The following ROCK2 variants were observed in gnomAD, a reference collection of about 807,000 sequenced individuals.
ROCK2 encodes the protein rho-associated protein kinase 2.
In ROCK2, 61 loss-of-function variants were observed where a neutral mutation model predicts 195.1. The ratio of observed to expected loss-of-function variants is 0.31; its 90% confidence interval spans 0.25 to 0.39. The LOEUF (loss-of-function observed/expected upper bound fraction) is 0.39, where lower values mean the gene tolerates loss of function less well. Among genes scored for constraint, ROCK2 ranks in the 10% least tolerant of loss-of-function variants. The pLI is 1.00. For synonymous variants in ROCK2, 504 were observed against 545.5 expected (o/e 0.92, Z 1.06); for missense variants, 1,109 against 1,637.4 (o/e 0.68, Z 5.57).
chr2:11,248,367 TA>T (rs1370961834), intron 4 of ROCK2, among the ~76,000 whole-genome samples: 2 of 151,558 alleles, frequency 1.3e-5, no homozygotes, highest in East Asian at 3.9e-4. Flanking sequence ...CTTACTAGTA[TA>T]AAAAAAATGT....
intron 6 of ROCK2, among the ~76,000 whole-genome samples, chr2:11,225,106 T>G (rs1558306882): frequency 6.6e-6 from 1 of 152,148 alleles, no homozygotes; most frequent in Non-Finnish European, 1.5e-5. Flanking sequence ...AGAGACAGAC[T>G]GTGACTAGCT....
At chr2:11,186,214 C>G (rs1358697185) in intron 32 of ROCK2, among the ~76,000 whole-genome samples, 1 of 152,204 alleles carries the variant, frequency 6.6e-6, no homozygotes, top group Admixed American at 6.5e-5. Context: ...CTGGCACACA[C>G]TCACTTCTCT....
chr2:11,272,727 A>G (rs1256109119), intron 3 of ROCK2, among the ~76,000 whole-genome samples: 1 of 151,922 alleles, frequency 6.6e-6, no homozygotes. Context: ...AAAATTAGCC[A>G]GGCACGGTGA....
chr2:11,294,119 T>G (rs1390123285), intron 1 of ROCK2, among the ~76,000 whole-genome samples: 1 of 151,338 alleles, frequency 6.6e-6, no homozygotes, highest in Admixed American at 6.6e-5. Flanking sequence ...ATCGTGCCAC[T>G]GCACTCCAGC....
Position 11,254,727 on chromosome 2 carries a change from T to TAAAAAAAAA in ROCK2, c.325-4938_325-4930dup, listed in dbSNP as rs10640683. On this transcript the variant is annotated intron_variant, in intron 3 of 32. Coordinates refer to ENST00000315872, the MANE Select transcript of ROCK2 (RefSeq NM_004850.5). The stretch of plus-strand genomic sequence containing the variant: ...TAGGCAACAGTGAGACCCTGTCTCT[T>TAAAAAAAAA]AAAAAAAAAAAAAAAAAAAAAAAAA... Among the ~76,000 whole-genome samples the TAAAAAAAAA allele has an allele frequency of 4.6e-4, 18 of 39,130 alleles. 5 individuals carry two copies. Among genetic ancestry groups the TAAAAAAAAA allele is most frequent in the East Asian group, 2.9e-3 (2 of 682 alleles). 25.7% of individuals were successfully genotyped at this position (39,130 alleles called of 152,430 possible). A position where few individuals can be genotyped will look rare whatever the true frequency, so the allele number is the denominator to read the frequency against.
Position 11,308,778 on chromosome 2 carries a change from C to G in ROCK2, c.142-21042G>C. On this transcript the variant is annotated intron_variant, in intron 1 of 32. Coordinates refer to ENST00000315872, the MANE Select transcript of ROCK2 (RefSeq NM_004850.5). ...CACTACAAGCCTAAAAAAAGGTTTA[C>G]CAGCACCAAGTGTTTTGCTTTCATG... The G allele has an allele frequency of 6.8e-6, 11 of 1,612,412 alleles. No homozygotes were observed. The South Asian group carries it at 1.2e-4, about 18-fold the overall frequency.
intron 18 of ROCK2, among the ~76,000 whole-genome samples, chr2:11,209,923 A>G (rs189634274): frequency 6.6e-6 from 1 of 152,240 alleles, no homozygotes; most frequent in African/African-American, 2.4e-5. Flanking sequence ...TTTCACAACA[A>G]CGTAACAATA....
intron 3 of ROCK2, among the ~76,000 whole-genome samples, chr2:11,284,765 C>G (rs1373677797): frequency 6.6e-6 from 1 of 152,154 alleles, no homozygotes; most frequent in Non-Finnish European, 1.5e-5. Flanking sequence ...TAAGACAGTA[C>G]TGTTAAGCAA....
intron 1 of ROCK2, among the ~76,000 whole-genome samples, chr2:11,332,585 C>T (rs1259725643): frequency 6.6e-6 from 1 of 152,190 alleles, no homozygotes; most frequent in Non-Finnish European, 1.5e-5. Flanking sequence ...TACAATGACA[C>T]ACACTACCAA....
chr2:11,197,968 T>C lies in ROCK2; in HGVS notation c.3100-263A>G, dbSNP rs73915396. ...TTAAATATTTATAGAATTGATCTGA[T>C]GTTGCTTTCTACCATTTTGACTTTT... On this transcript the variant is annotated intron_variant, in intron 25 of 32. Coordinates refer to ENST00000315872, the MANE Select transcript of ROCK2 (RefSeq NM_004850.5). This position sits in a 1 kb window ranked among gnomAD's most constrained non-coding sequence, Gnocchi z 4.9. 0.024 allele frequency among the ~76,000 whole-genome samples: 3,699 copies of C among 152,362 alleles called. 62 individuals carry two copies. The highest frequency in any genetic ancestry group is 0.052 in the East Asian group (271 of 5,192).
intron 1 of ROCK2, among the ~76,000 whole-genome samples, chr2:11,316,145 G>A (rs1385579959): frequency 6.6e-6 from 1 of 151,936 alleles, no homozygotes; most frequent in Non-Finnish European, 1.5e-5. Flanking sequence ...TTGAGAAGTT[G>A]GAAAATGGGT....
At chr2:11,330,733 ATGAGGAG>A (rs1353329195) in intron 1 of ROCK2, among the ~76,000 whole-genome samples, 103 of 47,362 alleles carry the variant, frequency 2.2e-3, no homozygotes, top group East Asian at 9.9e-3. Context: ...AGGAGGGAAG[ATGAGGAG>A]GGAGGAGGGA....
chr2:11,316,612 T>G (rs1238665023), intron 1 of ROCK2, among the ~76,000 whole-genome samples: 6 of 152,194 alleles, frequency 3.9e-5, no homozygotes, highest in African/African-American at 1.4e-4. Flanking sequence ...TTCATCTCAG[T>G]TAAGAGGTAA....
At chr2:11,227,467 T>A (rs1572270994) in intron 5 of ROCK2, 69 bp from the exon 6 acceptor site, 1 of 1,411,740 alleles carries the variant, frequency 7.1e-7, no homozygotes, top group African/African-American at 1.4e-5. Flanking sequence ...ATGCAATGAA[T>A]CCATTTATTA....
intron 9 of ROCK2, among the ~76,000 whole-genome samples, chr2:11,219,404 G>A (rs767073527): frequency 9.3e-5 from 14 of 150,700 alleles, no homozygotes; most frequent in East Asian, 1.9e-4. Context: ...CCAGCTACTC[G>A]GGAGGCTGAG....
intron 32 of ROCK2, among the ~76,000 whole-genome samples, chr2:11,184,319 T>C (rs1248803650): frequency 6.6e-6 from 1 of 152,236 alleles, no homozygotes; most frequent in Non-Finnish European, 1.5e-5. Context: ...CAAACTAATA[T>C]AGCTGTAGGA....
intron 1 of ROCK2, among the ~76,000 whole-genome samples, chr2:11,330,255 TA>T (rs762617879): frequency 6.6e-6 from 1 of 152,274 alleles, no homozygotes; most frequent in East Asian, 1.9e-4. Flanking sequence ...TTTCAAAAGA[TA>T]AAATGTCATA....
rs184963328 is a variant in ROCK2, at chr2:11,237,955, G to A, written c.463-1993C>T. On this transcript the variant is annotated intron_variant, in intron 4 of 32. Coordinates refer to ENST00000315872, the MANE Select transcript of ROCK2 (RefSeq NM_004850.5). ...TGAGCCAGGAATGGTGGCGCATGCC[G>A]TAATCCCAGCTAATCGGGAGGCTGA... Among the ~76,000 whole-genome samples the A allele has an allele frequency of 3.9e-4, 59 of 152,262 alleles. No individual in the cohort carries two copies. The South Asian group carries it at 3.9e-3, about 10-fold the overall frequency.
At chr2:11,216,688 C>A (rs1295301286) in intron 12 of ROCK2, among the ~76,000 whole-genome samples, 1 of 151,648 alleles carries the variant, frequency 6.6e-6, no homozygotes, top group Non-Finnish European at 1.5e-5. Context: ...TGAGCCACTG[C>A]ACCAGGCCAT....
Sources: gnomAD v4.1 joint callset for allele counts (sites outside exome capture counted in the v4.1 genomes callset) on GRCh38, gnomAD v4.1.1 for gene constraint, Gnocchi (gnomAD v3.1) non-coding constraint, MANE v1.5 for transcripts, NCBI Gene and HGNC (gene_info 2026-07-23, HGNC 2026-07-21) for gene names.